The following GUCY1A2 variants were observed in gnomAD, a reference collection of about 807,000 sequenced individuals.
GUCY1A2 encodes the protein guanylate cyclase 1 soluble subunit alpha 2.
In GUCY1A2, 27 loss-of-function variants were observed where a neutral mutation model predicts 63.5. The observed-to-expected ratio is 0.43, with a 90% CI of 0.31 to 0.59. The LOEUF (loss-of-function observed/expected upper bound fraction) is 0.59, where lower values mean the gene tolerates loss of function less well. Ranked by LOEUF, GUCY1A2 falls within the 20% of genes least tolerant of loss-of-function variation. The pLI, the probability that GUCY1A2 is intolerant of heterozygous loss-of-function variation, is 0.11. For synonymous variants in GUCY1A2, 364 were observed against 343.5 expected (o/e 1.06, Z -0.66); for missense variants, 768 against 913.3 (o/e 0.84, Z 2.05).
intron 4 of GUCY1A2, among the ~76,000 whole-genome samples, chr11:106,874,088 A>G (rs1859716795): frequency 6.6e-6 from 1 of 152,150 alleles, no homozygotes; most frequent in Non-Finnish European, 1.5e-5. Flanking sequence ...ATCTCATTAC[A>G]TTGAGAGTTT....
At chr11:106,812,142 A>G (rs1391155459) in intron 4 of GUCY1A2, among the ~76,000 whole-genome samples, 1 of 152,014 alleles carries the variant, frequency 6.6e-6, no homozygotes. Flanking sequence ...GAAGAAACAC[A>G]TAATGTACAA....
chr11:106,860,257 A>G (rs1279925600), intron 4 of GUCY1A2, among the ~76,000 whole-genome samples: 1 of 151,336 alleles, frequency 6.6e-6, no homozygotes, highest in Non-Finnish European at 1.5e-5. Flanking sequence ...CAAAACTAAG[A>G]GTAATAGTAT....
chr11:106,865,494 T>C (rs1859579437), intron 4 of GUCY1A2, among the ~76,000 whole-genome samples: 1 of 152,032 alleles, frequency 6.6e-6, no homozygotes, highest in Admixed American at 6.6e-5. Flanking sequence ...GTTCATGTCC[T>C]TTGCAGGGAC....
chr11:106,990,353 TA>T (rs1345718470), intron 1 of GUCY1A2, among the ~76,000 whole-genome samples: 1 of 152,230 alleles, frequency 6.6e-6, no homozygotes, highest in African/African-American at 2.4e-5. Flanking sequence ...CCCCACAGAC[TA>T]AATGTTATGC....
At chr11:106,854,886 C>T (rs1422105260) in intron 4 of GUCY1A2, among the ~76,000 whole-genome samples, 1 of 152,176 alleles carries the variant, frequency 6.6e-6, no homozygotes, top group Non-Finnish European at 1.5e-5. Flanking sequence ...GGGCAGCCAC[C>T]CTGGTGTGCT....
chr11:106,820,596 A>C (rs1348171492), intron 4 of GUCY1A2, among the ~76,000 whole-genome samples: 1 of 152,102 alleles, frequency 6.6e-6, no homozygotes, highest in Non-Finnish European at 1.5e-5. Context: ...ACAGGGTTTA[A>C]ACATGTTGGC....
At chr11:106,930,253 T>C (rs1591331809) in intron 4 of GUCY1A2, among the ~76,000 whole-genome samples, 1 of 152,286 alleles carries the variant, frequency 6.6e-6, no homozygotes, top group East Asian at 1.9e-4. Context: ...AAAACAAGCT[T>C]CAAAAAGTTA....
intron 3 of GUCY1A2, among the ~76,000 whole-genome samples, chr11:106,961,186 C>T (rs554743696): frequency 3.9e-4 from 59 of 151,896 alleles, no homozygotes; most frequent in Non-Finnish European, 7.8e-4. Context: ...CCTGAAATGC[C>T]CAAAGGAGAG....
At chr11:106,881,975 A>G (rs1158760346) in intron 4 of GUCY1A2, among the ~76,000 whole-genome samples, 2 of 152,028 alleles carry the variant, frequency 1.3e-5, no homozygotes, top group Non-Finnish European at 1.5e-5. Context: ...CAGACTATCA[A>G]TGGGCTATCA....
In GUCY1A2 at chr11:106,686,070, T is replaced by C; in HGVS notation, c.*1479A>G. Reference sequence around the variant, plus strand: ...GCATTCAGTAGACATAAGCTATCAATGAGTAAGAAAATGACCTCTCCAAGG... The same window carrying C: ...GCATTCAGTAGACATAAGCTATCAACGAGTAAGAAAATGACCTCTCCAAGG... On this transcript the variant is annotated 3_prime_UTR_variant, in exon 8 of 8. Coordinates refer to ENST00000526355, the MANE Select transcript of GUCY1A2 (RefSeq NM_000855.3). 4.6e-6 allele frequency: 1 copy of C among 215,216 alleles called. No homozygotes were observed. The highest frequency in any genetic ancestry group is 1.9e-4 in the South Asian group (1 of 5,380). The allele number at this position is 215,216 out of a possible 1,614,324, so 13.3% of individuals were successfully genotyped here. A position where few individuals can be genotyped will look rare whatever the true frequency, so the allele number is the denominator to read the frequency against.
intron 6 of GUCY1A2, among the ~76,000 whole-genome samples, chr11:106,713,178 G>A (rs1423346526): frequency 6.6e-6 from 1 of 152,106 alleles, no homozygotes; most frequent in Non-Finnish European, 1.5e-5. Context: ...TATCTCTCAG[G>A]AATCACTATC....
chr11:106,982,729 A>C lies in GUCY1A2; in HGVS notation c.365+3341T>G, dbSNP rs114155316. Among the ~76,000 whole-genome samples, 1,250 of 152,296 alleles carry C rather than the reference A, an allele frequency of 8.2e-3. 10 individuals are homozygous for C. Among genetic ancestry groups the C allele is most frequent in the African/African-American group, 0.028 (1,160 of 41,552 alleles). On this transcript the variant is annotated intron_variant, in intron 2 of 7. Coordinates refer to ENST00000526355, the MANE Select transcript of GUCY1A2 (RefSeq NM_000855.3). ...GCATTGCATAAGAATGAAACGATAC[A>C]TACAAAGGCCCTGAAGCTAAGGTTG...
intron 3 of GUCY1A2, among the ~76,000 whole-genome samples, chr11:106,971,691 G>T (rs936641787): frequency 2.8e-4 from 43 of 152,138 alleles, no homozygotes; most frequent in Middle Eastern, 3.4e-3. Flanking sequence ...TTATAGATGG[G>T]CATATATATA....
chr11:106,958,406 C>CA (rs1861017779), intron 3 of GUCY1A2, among the ~76,000 whole-genome samples: 1 of 152,112 alleles, frequency 6.6e-6, no homozygotes, highest in Non-Finnish European at 1.5e-5. Flanking sequence ...GCATGTGGGG[C>CA]AAAATCTATT....
At chr11:106,777,873 T>C (rs574676950) in intron 5 of GUCY1A2, among the ~76,000 whole-genome samples, 5 of 152,252 alleles carry the variant, frequency 3.3e-5, no homozygotes, top group Admixed American at 1.3e-4. Flanking sequence ...ATTTGAAAGA[T>C]GAAAAATTGA....
chr11:106,733,114 G>C (rs11604982), intron 6 of GUCY1A2, among the ~76,000 whole-genome samples: 40,326 of 152,010 alleles, frequency 0.27, 5,710 homozygotes, highest in Non-Finnish European at 0.31. Flanking sequence ...CAAACACATT[G>C]CTGTTCAAAC....
intron 6 of GUCY1A2, among the ~76,000 whole-genome samples, chr11:106,712,591 T>C (rs1863139684): frequency 6.9e-6 from 1 of 144,202 alleles, no homozygotes; most frequent in Non-Finnish European, 1.5e-5. Flanking sequence ...GTGCTGGATA[T>C]TTTTATAATC....
In GUCY1A2 at chr11:106,676,867, T is replaced by C. The variant is rs117429980; in HGVS notation, c.*10682A>G. On this transcript the variant is annotated 3_prime_UTR_variant, in exon 8 of 8. Coordinates refer to ENST00000526355, the MANE Select transcript of GUCY1A2 (RefSeq NM_000855.3). ...TTTGTAAGGGGGTAAAAATAGGAGA[T>C]TGTCCAAACAGATTGACCCTGATAC... 4.9e-4 allele frequency: 100 copies of C among 203,036 alleles called. No individual in the cohort carries two copies. The highest frequency in any genetic ancestry group is 8.0e-4 in the Non-Finnish European group (79 of 98,838). 12.6% of individuals were successfully genotyped at this position (203,036 alleles called of 1,614,324 possible).
At chr11:106,957,436 C>A (rs973736134) in intron 3 of GUCY1A2, among the ~76,000 whole-genome samples, 1 of 152,136 alleles carries the variant, frequency 6.6e-6, no homozygotes, top group Non-Finnish European at 1.5e-5. Context: ...CGTGGGTTCA[C>A]GAGTGGGATC....
Sources: gnomAD v4.1 joint callset for allele counts (sites outside exome capture counted in the v4.1 genomes callset) on GRCh38, gnomAD v4.1.1 for gene constraint, MANE v1.5 for transcripts, NCBI Gene and HGNC (gene_info 2026-07-23, HGNC 2026-07-21) for gene names.